Variants in ARHGEF3 observed in about 807,000 individuals in gnomAD.
ARHGEF3 encodes the protein 59.8 kDA protein.
A neutral mutation model predicts 63.2 loss-of-function variants in ARHGEF3; 28 were observed. That is an observed-to-expected ratio of 0.44 (90% CI 0.33 to 0.61). The LOEUF (loss-of-function observed/expected upper bound fraction) is 0.61, where lower values mean the gene tolerates loss of function less well. ARHGEF3 is among the 20% of genes least tolerant of loss of function. ARHGEF3 has a pLI of 0.03. For synonymous variants in ARHGEF3, 266 were observed against 254.2 expected, an observed-to-expected ratio of 1.05 and a Z score of -0.44; for missense variants, 533 against 659.3, an observed-to-expected ratio of 0.81 and a Z score of 2.10.
intron 2 of ARHGEF3, among the ~76,000 whole-genome samples, chr3:56,975,533 C>CA (rs1467751329): frequency 3.9e-5 from 6 of 152,150 alleles, no homozygotes; most frequent in Admixed American, 3.9e-4. Context: ...ATTTTGTCCT[C>CA]AAAAAACTTT....
chr3:56,853,479 G>T (rs1294516824), intron 4 of ARHGEF3, among the ~76,000 whole-genome samples: 1 of 152,106 alleles, frequency 6.6e-6, no homozygotes, highest in Non-Finnish European at 1.5e-5. Flanking sequence ...TGGGATTACA[G>T]GCATGTGCCA....
intron 4 of ARHGEF3, among the ~76,000 whole-genome samples, chr3:56,862,144 G>A (rs1304217161): frequency 1.4e-5 from 2 of 142,064 alleles, no homozygotes; most frequent in African/African-American, 2.5e-5. Context: ...TAAAAGGAAT[G>A]GTATGGAGGT....
At chr3:56,895,030 A>G (rs549422880) in intron 3 of ARHGEF3, among the ~76,000 whole-genome samples, 2 of 152,252 alleles carry the variant, frequency 1.3e-5, no homozygotes, top group East Asian at 3.9e-4. Flanking sequence ...CAGTGTCACT[A>G]AAGAAGGCGT....
intron 2 of ARHGEF3, chr3:56,977,204 GCT>G (rs1701157824): frequency 6.6e-6 from 3 of 455,602 alleles, no homozygotes; most frequent in African/African-American, 6.0e-5. Context: ...GATTTTTCTG[GCT>G]GCCTAATCCA....
chr3:56,778,222 A>G (rs2036376330), intron 1 of ARHGEF3, among the ~76,000 whole-genome samples: 1 of 152,244 alleles, frequency 6.6e-6, no homozygotes, highest in Non-Finnish European at 1.5e-5. Context: ...ATTCCTACTA[A>G]CAACCTCACA....
At chr3:56,775,542 T>G in intron 1 of ARHGEF3, 1 of 986,330 alleles carries the variant, frequency 1.0e-6, no homozygotes, top group Non-Finnish European at 1.2e-6. Flanking sequence ...AGCAGAAAAC[T>G]CTCAGAACAC....
At chr3:57,062,522 C>T (rs1339170232) in intron 1 of ARHGEF3, among the ~76,000 whole-genome samples, 1 of 152,204 alleles carries the variant, frequency 6.6e-6, no homozygotes, top group African/African-American at 2.4e-5. Flanking sequence ...AGGGCAAGTG[C>T]CCAGCACAGA....
intron 2 of ARHGEF3, among the ~76,000 whole-genome samples, chr3:56,986,438 C>T (rs1266534763): frequency 6.6e-6 from 1 of 152,194 alleles, no homozygotes; most frequent in Non-Finnish European, 1.5e-5. Context: ...GGTTTGGCAA[C>T]AGTGGGGAAC....
At chr3:57,055,238 G>T (rs563720910) in intron 1 of ARHGEF3, among the ~76,000 whole-genome samples, 1 of 146,866 alleles carries the variant, frequency 6.8e-6, no homozygotes, top group Non-Finnish European at 1.5e-5. Context: ...CTCAGCTCAC[G>T]GCAACTTCTG....
At chr3:57,056,558 G>C (rs1465947165) in intron 1 of ARHGEF3, among the ~76,000 whole-genome samples, 1 of 152,072 alleles carries the variant, frequency 6.6e-6, no homozygotes, top group Non-Finnish European at 1.5e-5. Flanking sequence ...CAAGCAAAGG[G>C]ATTGGGACAT....
chr3:56,790,849 C>G (rs917735600), intron 1 of ARHGEF3, among the ~76,000 whole-genome samples: 1 of 152,148 alleles, frequency 6.6e-6, no homozygotes, highest in African/African-American at 2.4e-5. Context: ...GTAGCGTCTT[C>G]CTCTAGGAAG....
Position 56,729,187 on chromosome 3 carries a change from C to G in ARHGEF3, c.*83G>C. 7.9e-7 allele frequency: 1 copy of G among 1,258,006 alleles called. No homozygotes were observed. Among genetic ancestry groups the G allele is most frequent in the Non-Finnish European group, 1.1e-6 (1 of 912,288 alleles). 77.9% of individuals were successfully genotyped at this position (1,258,006 alleles called of 1,614,324 possible). On this transcript the variant is annotated 3_prime_UTR_variant, in exon 10 of 10. Coordinates refer to ENST00000296315, the MANE Select transcript of ARHGEF3 (RefSeq NM_019555.3). ...ACTTTCACAAAAGTATGAAAAAGTGCTTCTCCAAACCGTTCCATCTGTGGA... is the reference window on the plus strand; with the variant it reads ...ACTTTCACAAAAGTATGAAAAAGTGGTTCTCCAAACCGTTCCATCTGTGGA...
intron 2 of ARHGEF3, among the ~76,000 whole-genome samples, chr3:57,010,167 A>G (rs1702626193): frequency 6.6e-6 from 1 of 152,170 alleles, no homozygotes; most frequent in Admixed American, 6.6e-5. Flanking sequence ...ATTAAAAACC[A>G]CAGTGGGCCG....
At chr3:56,755,450 G>A (rs2035014992) in intron 2 of ARHGEF3, among the ~76,000 whole-genome samples, 1 of 152,146 alleles carries the variant, frequency 6.6e-6, no homozygotes, top group Non-Finnish European at 1.5e-5. Flanking sequence ...TCTTGGATAC[G>A]TGATGAGCTC....
intron 1 of ARHGEF3, among the ~76,000 whole-genome samples, chr3:57,071,708 C>A (rs1240219397): frequency 2.0e-5 from 3 of 150,724 alleles, no homozygotes; most frequent in Non-Finnish European, 4.4e-5. Flanking sequence ...CATGACCTTG[C>A]ATCAGGCAAA....
At chr3:57,058,510 T>C (rs1411219188) in intron 1 of ARHGEF3, among the ~76,000 whole-genome samples, 1 of 152,168 alleles carries the variant, frequency 6.6e-6, no homozygotes, top group Non-Finnish European at 1.5e-5. Flanking sequence ...CTGGAGAGGA[T>C]GTGGAGAAAT....
chr3:56,999,439 A>T (rs34614253), intron 2 of ARHGEF3, among the ~76,000 whole-genome samples: 22,030 of 152,262 alleles, frequency 0.14, 2,065 homozygotes, highest in Non-Finnish European at 0.21. Context: ...ACTATGAAAA[A>T]TACTATTAAA....
chr3:56,779,990 C>A (rs1325965533), intron 1 of ARHGEF3, among the ~76,000 whole-genome samples: 1 of 152,218 alleles, frequency 6.6e-6, no homozygotes, highest in East Asian at 1.9e-4. Flanking sequence ...TTGCTCTTGG[C>A]ATCTTCAGAA....
chr3:56,779,417 A>G lies in ARHGEF3; in HGVS notation c.97-5601T>C, dbSNP rs377449583. Reference sequence around the variant, plus strand: ...AGGGCACAGGTACGTGACAAAATACATGTCAAATGGTACATGTATTTGGTA... The same window carrying G: ...AGGGCACAGGTACGTGACAAAATACGTGTCAAATGGTACATGTATTTGGTA... On this transcript the variant is annotated intron_variant, in intron 1 of 9. Transcript: ENST00000296315. Among the ~76,000 whole-genome samples, 24 of 152,334 alleles carry G rather than the reference A, an allele frequency of 1.6e-4. No individual in the cohort carries two copies. The East Asian group carries it at 4.6e-3, about 29-fold the overall frequency.
Sources: allele counts gnomAD v4.1 joint callset (sites outside exome capture counted in the v4.1 genomes callset), GRCh38; gene constraint gnomAD v4.1.1; transcripts MANE v1.5; gene names NCBI Gene and HGNC (gene_info 2026-07-23, HGNC 2026-07-21).